Variants in COPA observed in about 807,000 individuals in gnomAD.
COPA encodes coatomer subunit alpha.
A neutral mutation model predicts 158.7 loss-of-function variants in COPA; 10 were observed. That is an observed-to-expected ratio of 0.06 (90% CI 0.04 to 0.11). The LOEUF is 0.11. Ranked by LOEUF, COPA falls within the 10% of genes least tolerant of loss-of-function variation. COPA has a pLI of 1.00. For synonymous variants in COPA, 462 were observed against 542.8 expected (o/e 0.85, Z 2.07); for missense variants, 1,065 against 1,536.7 (o/e 0.69, Z 5.13).
intron 9 of COPA, among the ~76,000 whole-genome samples, chr1:160,313,456 C>T (rs1465058968): frequency 6.6e-6 from 1 of 152,100 alleles, no homozygotes; most frequent in Non-Finnish European, 1.5e-5. Flanking sequence ...GCTCTGTTGC[C>T]CAGGCTGGAG....
chr1:160,329,911 G>A (rs1478899220), intron 6 of COPA, among the ~76,000 whole-genome samples: 4 of 152,144 alleles, frequency 2.6e-5, no homozygotes, highest in Non-Finnish European at 5.9e-5. Context: ...TCAGGAGTTC[G>A]AGACTAGCCT....
intron 8 of COPA, among the ~76,000 whole-genome samples, chr1:160,318,346 A>C (rs946846719): frequency 1.3e-5 from 2 of 151,850 alleles, no homozygotes; most frequent in Admixed American, 1.3e-4. Flanking sequence ...ATAAAGCTAT[A>C]CATGCAGAAA....
intron 6 of COPA, among the ~76,000 whole-genome samples, chr1:160,328,362 C>T (rs879911993): frequency 6.6e-6 from 1 of 152,010 alleles, no homozygotes; most frequent in Admixed American, 6.6e-5. Context: ...TGTAATGATC[C>T]GGGAAAAGGG....
At chr1:160,319,532 T>C (rs1463384897) in intron 8 of COPA, among the ~76,000 whole-genome samples, 1 of 149,534 alleles carries the variant, frequency 6.7e-6, no homozygotes, top group East Asian at 1.9e-4. Flanking sequence ...CTAGATCTAA[T>C]AGGCCTAACT....
rs147755770 is a variant in COPA at position 160,303,488 on chromosome 1, A to G, written c.1667+1945T>C. On this transcript the variant is annotated intron_variant, in intron 17 of 32. Coordinates refer to ENST00000241704, the MANE Select transcript of COPA (RefSeq NM_004371.4). ...TGGGCAATTGAGTGTCCTTATGGAAAAAGTGGGATTGAGCTTTCTATACCT... is the reference window on the plus strand; with the variant it reads ...TGGGCAATTGAGTGTCCTTATGGAAGAAGTGGGATTGAGCTTTCTATACCT... Among the ~76,000 whole-genome samples the G allele has an allele frequency of 1.9e-3, 292 of 152,312 alleles. 2 individuals carry two copies. The highest frequency in any genetic ancestry group is 6.4e-3 in the African/African-American group (268 of 41,576).
Position 160,299,116 on chromosome 1 carries a change from T to C in COPA, c.1816A>G (p.Arg606Gly), listed in dbSNP as rs1421317683. 5 of 1,614,082 alleles carry C rather than the reference T, an allele frequency of 3.1e-6. No homozygotes were observed. Among genetic ancestry groups the C allele is most frequent in the Non-Finnish European group, 4.2e-6 (5 of 1,179,966 alleles). Residue 606 changes from arginine (R) to glycine (G), a missense_variant, in exon 18 of 33, where the codon AGA becomes GGA. By Grantham distance (125) the Arg-to-Gly change is moderately radical. This residue lies in a region of COPA where 980 missense variants were observed against 1,357.8 expected (regional missense o/e 0.72). Coordinates refer to ENST00000241704, the MANE Select transcript of COPA (RefSeq NM_004371.4). ...EFKFKLALIN[R>G]KYDEVLHMVR... ...TCACTTCATACCTCATCATATTTTC[T>C]GTTGATCAGGGCCAGCTTGAATTTG... is the stretch of plus-strand genomic sequence containing the variant.
intron 8 of COPA, among the ~76,000 whole-genome samples, chr1:160,318,491 A>AC (rs1659228368): frequency 1.5e-5 from 1 of 68,932 alleles, no homozygotes; most frequent in Non-Finnish European, 2.4e-5. Context: ...AAAAAAAAAA[A>AC]CAAAAAAAAA....
intron 26 of COPA, 59 bp from the exon 27 acceptor site, chr1:160,293,293 C>T: frequency 6.2e-7 from 1 of 1,611,454 alleles, no homozygotes; most frequent in Admixed American, 1.7e-5. Context: ...CTATTCTCCT[C>T]TGTAACTATA....
intron 32 of COPA, 101 bp from the exon 33 acceptor site, chr1:160,290,317 T>A (rs1195459972): frequency 1.4e-6 from 2 of 1,433,834 alleles, no homozygotes; most frequent in East Asian, 4.5e-5. Context: ...TAGACAGGTA[T>A]TGGGGTGTTC....
At chr1:160,294,996 T>C in intron 23 of COPA, 139 bp from the exon 24 acceptor site, 1 of 667,944 alleles carries the variant, frequency 1.5e-6, no homozygotes, top group Non-Finnish European at 2.6e-6. Flanking sequence ...GTGTATTATT[T>C]ATTTTTGTGG....
chr1:160,294,910 TA>T, intron 23 of COPA, 53 bp from the exon 24 acceptor site: 1 of 1,511,226 alleles, frequency 6.6e-7, no homozygotes, highest in Admixed American at 1.7e-5. Flanking sequence ...AAGTCTGAGA[TA>T]CGGCCTTTTC....
At chr1:160,336,332 C>CAAA (rs754757246) in intron 3 of COPA, among the ~76,000 whole-genome samples, 1 of 109,612 alleles carries the variant, frequency 9.1e-6, no homozygotes, top group African/African-American at 3.1e-5. Flanking sequence ...GGCTCGGTCT[C>CAAA]AAAAAAAAAA....
chr1:160,316,750 C>CAAA (rs550170815), intron 8 of COPA, among the ~76,000 whole-genome samples: 15 of 92,400 alleles, frequency 1.6e-4, no homozygotes, highest in African/African-American at 5.7e-4. Flanking sequence ...AATTCTGTCT[C>CAAA]AAAAAAAAAA....
Position 160,312,001 on chromosome 1 carries a change from T to G in COPA, c.943A>C (p.Ile315Leu). 1 of 1,613,640 alleles carries G rather than the reference T, an allele frequency of 6.2e-7. No homozygotes were observed. Among genetic ancestry groups the G allele is most frequent in the Non-Finnish European group, 8.5e-7 (1 of 1,179,810 alleles). The change falls in exon 11 of 33, where the codon ATT becomes CTT. Residue 315 changes from isoleucine (I) to leucine (L), a missense_variant. This residue lies in a region of COPA where 980 missense variants were observed against 1,357.8 expected (regional missense o/e 0.72). Transcript: ENST00000241704. ...LFAAGHDGGM[I>L]VFKLERERPA... ...CGTTCCCGTTCCAGCTTAAACACAA[T>G]CATACCACCATCATGGCCTGGGGGA...
At chr1:160,300,344 AAAATAAATAAATAAATAAATAAATAAAT>A (rs36034271) in intron 17 of COPA, among the ~76,000 whole-genome samples, 1 of 138,932 alleles carries the variant, frequency 7.2e-6, no homozygotes, top group African/African-American at 2.7e-5. Flanking sequence ...ACTCCGACTC[AAAATAAATAAATAAATAAATAAATAAAT>A]AAATAAATAA....
In COPA at chr1:160,288,733, TTAATG is replaced by T. The variant is rs1658116664; in HGVS notation, c.*1419_*1423del. On this transcript the variant is annotated 3_prime_UTR_variant, in exon 33 of 33. Coordinates refer to ENST00000241704, the MANE Select transcript of COPA (RefSeq NM_004371.4). ...ATATGACAAGCAAAATATTGTATTG[TTAATG>T]TAATCATTGTATCATTGTAATATAT... Among the ~76,000 whole-genome samples, 1 of 152,232 alleles carries T rather than the reference TTAATG, an allele frequency of 6.6e-6. No homozygotes were observed. The highest frequency in any genetic ancestry group is 6.5e-5 in the Admixed American group (1 of 15,282).
chr1:160,311,837 G>C (rs112191624), intron 11 of COPA, 31 bp downstream of exon 11: 2 of 1,601,202 alleles, frequency 1.2e-6, no homozygotes, highest in South Asian at 1.1e-5. Context: ...CAGATGAGAG[G>C]GTTTGGAGGA....
At chr1:160,299,340 A>T (rs1658521252) in intron 17 of COPA, 76 bp from the exon 18 acceptor site, 1 of 1,441,694 alleles carries the variant, frequency 6.9e-7, no homozygotes, top group African/African-American at 1.4e-5. Flanking sequence ...AAACCTAGGA[A>T]ACGGTCTTTT....
In COPA at chr1:160,305,733, T is replaced by G. The variant is rs565864826; in HGVS notation, c.1483A>C (p.Ile495Leu). Residue 495 changes from isoleucine (I) to leucine (L), a missense_variant, in exon 16 of 33, where the codon ATC (isoleucine) becomes CTC (leucine). Coordinates refer to ENST00000241704, the MANE Select transcript of COPA (RefSeq NM_004371.4). ...SVKISKVKYV[I>L]WSADMSHVAL... ...ACATGTGACATGTCTGCTGACCAGA[T>G]AACGTATTTCACTTTAGAAATCTTC... The G allele has an allele frequency of 6.2e-7, 1 of 1,614,214 alleles. No individual in the cohort carries two copies. Among genetic ancestry groups the G allele is most frequent in the South Asian group, 1.1e-5 (1 of 91,086 alleles).
Sources: gnomAD v4.1 joint callset for allele counts (sites outside exome capture counted in the v4.1 genomes callset) on GRCh38, gnomAD v4.1.1 for gene constraint, gnomAD v4.1.1 regional missense constraint, MANE v1.5 for transcripts, NCBI Gene and HGNC (gene_info 2026-07-23, HGNC 2026-07-21) for gene names.